Variants in WDR47 observed in about 807,000 individuals in gnomAD.
WDR47 encodes the protein WD repeat domain 47, also known as WD repeat-containing protein 47.
Under a neutral mutation model 97.2 loss-of-function variants are expected in WDR47, and 32 were observed. The ratio of observed to expected loss-of-function variants is 0.33; its 90% CI spans 0.25 to 0.44. WDR47 has a LOEUF of 0.44. WDR47 is among the 20% of genes least tolerant of loss of function. The pLI is 1.00. For synonymous variants in WDR47, 375 were observed against 373.5 expected, an observed-to-expected ratio of 1.00 and a Z score of -0.05; for missense variants, 782 against 1,102.3, an observed-to-expected ratio of 0.71 and a Z score of 4.11.
rs1265264870 is a variant in WDR47, at chr1:108,995,652, G to T, written c.1619C>A (p.Thr540Lys). Residue 540 changes from threonine to lysine, a missense_variant, in exon 8 of 15, where the codon ACA becomes AAA. Transcript: ENST00000369962. Reference sequence around the variant, plus strand: ...TGATCCAGGATTACGAGGAGTGCTTGTATGAATATTTGAAGCATCATGTGT... The same window carrying T: ...TGATCCAGGATTACGAGGAGTGCTTTTATGAATATTTGAAGCATCATGTGT... ...RLTHDASNIH[T>K]STPRNPGSTN... 1 of 1,614,114 alleles carries T rather than the reference G, an allele frequency of 6.2e-7. No homozygotes were observed.
chr1:109,003,957 A>G (rs760487153), intron 6 of WDR47, among the ~76,000 whole-genome samples: 1 of 152,148 alleles, frequency 6.6e-6, no homozygotes, highest in East Asian at 1.9e-4. Context: ...AATATAGACC[A>G]TATCTCTTAA....
chr1:108,981,691 C>T, intron 13 of WDR47, 42 bp downstream of exon 13: 5 of 1,558,298 alleles, frequency 3.2e-6, no homozygotes, highest in South Asian at 2.4e-5. Context: ...GTCTAATTTA[C>T]AAAGTTTTTT....
intron 1 of WDR47, among the ~76,000 whole-genome samples, chr1:109,033,952 GGACT>G (rs1280087870): frequency 6.6e-6 from 1 of 152,108 alleles, no homozygotes; most frequent in African/African-American, 2.4e-5. Flanking sequence ...ATGTAAACTG[GGACT>G]GACTTTTTGA....
At chr1:109,023,326 A>G in intron 2 of WDR47, 29 bp downstream of exon 2, 1 of 1,597,594 alleles carries the variant, frequency 6.3e-7, no homozygotes, top group Non-Finnish European at 8.5e-7. Flanking sequence ...CGAAGGAGCT[A>G]CAAACTTCAC....
chr1:108,985,353 T>C (rs1480992341), intron 10 of WDR47, among the ~76,000 whole-genome samples: 2 of 152,210 alleles, frequency 1.3e-5, no homozygotes, highest in African/African-American at 2.4e-5. Context: ...CTCTTCTCCC[T>C]TCTCTTTACA....
rs539125127 is a variant in WDR47, at chr1:108,998,290, G to A, written c.1434-2453C>T. On this transcript the variant is annotated intron_variant, in intron 7 of 14. Transcript: ENST00000369962. ...GGCCAAGGCGGGCAGATCACCTGAG[G>A]TAGGGAGTTTGAGACCAGCCTGGCC... Among the ~76,000 whole-genome samples, 3 of 152,190 alleles carry A rather than the reference G, an allele frequency of 2.0e-5. No individual in the cohort carries two copies. The South Asian group carries it at 6.2e-4, about 32-fold the overall frequency.
intron 5 of WDR47, among the ~76,000 whole-genome samples, chr1:109,005,641 G>A (rs533182709): frequency 1.4e-3 from 212 of 152,164 alleles, no homozygotes; most frequent in Middle Eastern, 3.4e-3. Flanking sequence ...TTAGGAGGCC[G>A]AGGCAGGCAG....
intron 10 of WDR47, 52 bp downstream of exon 10, chr1:108,986,471 G>A (rs374991397): frequency 1.4e-5 from 21 of 1,500,610 alleles, no homozygotes; most frequent in Admixed American, 6.3e-5. Context: ...GAACCTATAC[G>A]GCTAAATTAA....
At chr1:108,997,386 T>C (rs1571182198) in intron 7 of WDR47, among the ~76,000 whole-genome samples, 1 of 143,934 alleles carries the variant, frequency 6.9e-6, no homozygotes, top group Non-Finnish European at 1.5e-5. Context: ...AAGGCTGCAA[T>C]GGGCCGTGAT....
At chr1:108,993,378 G>A (rs1283481204) in intron 8 of WDR47, among the ~76,000 whole-genome samples, 1 of 151,250 alleles carries the variant, frequency 6.6e-6, no homozygotes, top group Non-Finnish European at 1.5e-5. Flanking sequence ...TTTTTAATCA[G>A]AACACTAAAA....
At chr1:109,031,795 C>CTTTTTTTTTTTTTTTTTTT (rs56318868) in intron 1 of WDR47, among the ~76,000 whole-genome samples, 1 of 78,370 alleles carries the variant, frequency 1.3e-5, no homozygotes. Context: ...ATCTTTCTTT[C>CTTTTTTTTTTTTTTTTTTT]TTTTTTTTTT....
chr1:108,991,832 T>C (rs1659370474), intron 8 of WDR47, among the ~76,000 whole-genome samples: 1 of 152,090 alleles, frequency 6.6e-6, no homozygotes, highest in Admixed American at 6.5e-5. Flanking sequence ...TTATTTAATA[T>C]TATAAAATAT....
rs906873783 is a variant in WDR47 at position 109,030,381 on chromosome 1, AAAAAT to A, written c.-9-6865_-9-6861del. On this transcript the variant is annotated intron_variant, in intron 1 of 14. Coordinates refer to ENST00000369962, the MANE Select transcript of WDR47 (RefSeq NM_001142551.2). ...AATAAGCACATTTTTGATAAAAATA[AAAAAT>A]AAAATAAAATAAAATAAAAATTAAA... is the stretch of plus-strand genomic sequence containing the variant. 1.3e-4 allele frequency: 61 copies of A among 458,372 alleles called. 1 individual carries two copies. The highest frequency in any genetic ancestry group is 5.8e-4 in the Middle Eastern group (1 of 1,714). The allele number at this position is 458,372 out of a possible 1,614,324, so 28.4% of individuals were successfully genotyped here.
Position 108,995,626 on chromosome 1 carries a change from T to C in WDR47, c.1645A>G (p.Thr549Ala). Residue 549 changes from threonine to alanine, a missense_variant, in exon 8 of 15, where the codon ACA becomes GCA. Around this residue, in one of 3 missense-constraint regions of WDR47, gnomAD observed 126 missense variants for 121.3 expected, o/e 1.04. Coordinates refer to ENST00000369962, the MANE Select transcript of WDR47 (RefSeq NM_001142551.2). ...HTSTPRNPGS[T>A]NHIPFLEESP... The stretch of plus-strand genomic sequence containing the variant: ...TCCTCCAGAAAAGGTATGTGATTTG[T>C]TGATCCAGGATTACGAGGAGTGCTT... 1 of 1,614,190 alleles carries C rather than the reference T, an allele frequency of 6.2e-7. No homozygotes were observed. The highest frequency in any genetic ancestry group is 8.5e-7 in the Non-Finnish European group (1 of 1,180,016).
At chr1:109,037,626 CAAA>C (rs1334177386) in intron 1 of WDR47, among the ~76,000 whole-genome samples, 2 of 61,442 alleles carry the variant, frequency 3.3e-5, no homozygotes, top group African/African-American at 5.6e-5. Context: ...GACCTCGTCT[CAAA>C]AAAAAAAAAA....
chr1:109,030,014 T>C (rs1662505401), intron 1 of WDR47: 1 of 409,810 alleles, frequency 2.4e-6, no homozygotes, highest in African/African-American at 2.0e-5. Context: ...TAAGCAGATA[T>C]GATTTAATTA....
intron 1 of WDR47, chr1:109,024,737 G>A (rs1329808640): frequency 6.6e-6 from 1 of 152,398 alleles, no homozygotes; most frequent in Admixed American, 6.5e-5. Flanking sequence ...CACACTAGGG[G>A]AGTAGCCACA....
rs1657432970 is a variant in WDR47, at chr1:108,971,243, T to C, written c.*187A>G. 1 of 724,548 alleles carries C rather than the reference T, an allele frequency of 1.4e-6. No homozygotes were observed. 44.9% of individuals were successfully genotyped at this position (724,548 alleles called of 1,614,324 possible). A position where few individuals can be genotyped will look rare whatever the true frequency, so the allele number is the denominator to read the frequency against. On this transcript the variant is annotated 3_prime_UTR_variant, in exon 15 of 15. Coordinates refer to ENST00000369962, the MANE Select transcript of WDR47 (RefSeq NM_001142551.2). ...CAGGTCACAGCAGCACGAGCTCACA[T>C]GGAAGACTGAAAGCACTGCGGAATA...
At chr1:109,021,878 T>C (rs971344808) in intron 2 of WDR47, among the ~76,000 whole-genome samples, 2 of 152,092 alleles carry the variant, frequency 1.3e-5, no homozygotes, top group East Asian at 1.9e-4. Flanking sequence ...TATTTAGTCT[T>C]GCTCTGTCGC....
Sources: allele counts gnomAD v4.1 joint callset (sites outside exome capture counted in the v4.1 genomes callset), GRCh38; gene constraint gnomAD v4.1.1; regional missense constraint gnomAD v4.1.1; transcripts MANE v1.5; gene names NCBI Gene and HGNC (gene_info 2026-07-23, HGNC 2026-07-21).